The following SAP130 variants were observed in gnomAD, a reference collection of about 807,000 sequenced individuals.
SAP130 encodes Sin3A associated protein 130.
In SAP130, 16 loss-of-function variants were observed where a neutral mutation model predicts 103.2. That is an observed-to-expected ratio of 0.16 (90% confidence interval 0.10 to 0.24). SAP130 has a LOEUF of 0.24. SAP130 is among the 10% of genes least tolerant of loss of function. The pLI, the probability that SAP130 is intolerant of heterozygous loss-of-function variation, is 1.00. For synonymous variants in SAP130, 477 were observed against 497.0 expected, an observed-to-expected ratio of 0.96 and a Z score of 0.53; for missense variants, 990 against 1,359.7, an observed-to-expected ratio of 0.73 and a Z score of 4.28.
intron 7 of SAP130, among the ~76,000 whole-genome samples, chr2:128,001,211 A>G (rs532496661): frequency 2.9e-4 from 44 of 152,246 alleles, no homozygotes; most frequent in Non-Finnish European, 5.9e-4. Flanking sequence ...AACACTGGCA[A>G]GAAAATTTGA....
At chr2:127,973,950 G>A (rs1264598947) in intron 15 of SAP130, among the ~76,000 whole-genome samples, 3 of 152,058 alleles carry the variant, frequency 2.0e-5, no homozygotes, top group Non-Finnish European at 4.4e-5. Context: ...TGGCTCTTAA[G>A]TAGTCCTAAC....
At position 127,941,852 on chromosome 2, in the gene SAP130, G is replaced by A. The variant is rs1335923413; in HGVS notation, c.*154C>T. On this transcript the variant is annotated 3_prime_UTR_variant, in exon 21 of 21. Coordinates refer to ENST00000643581, the MANE Select transcript of SAP130 (RefSeq NM_001330301.2). Reference sequence around the variant, plus strand: ...GTCCAGTCAGCTCTGATCCTTTCACGCCCTTGGATGTCATGGGTTCCTCTG... The same window carrying A: ...GTCCAGTCAGCTCTGATCCTTTCACACCCTTGGATGTCATGGGTTCCTCTG... The A allele has an allele frequency of 4.3e-6, 3 of 696,414 alleles. No homozygotes were observed. The highest frequency in any genetic ancestry group is 3.7e-5 in the South Asian group (2 of 53,546). 43.1% of individuals were successfully genotyped at this position (696,414 alleles called of 1,614,324 possible). A position where few individuals can be genotyped will look rare whatever the true frequency, so the allele number is the denominator to read the frequency against.
At chr2:128,009,897 T>C (rs953051703) in intron 7 of SAP130, among the ~76,000 whole-genome samples, 7 of 152,202 alleles carry the variant, frequency 4.6e-5, no homozygotes, top group Non-Finnish European at 8.8e-5. Context: ...CTTCATTATA[T>C]CTTTTCATTT....
At chr2:127,992,312 A>T (rs1682866053) in intron 12 of SAP130, among the ~76,000 whole-genome samples, 1 of 132,466 alleles carries the variant, frequency 7.5e-6, no homozygotes, top group Non-Finnish European at 1.6e-5. Flanking sequence ...AGATAGTTTC[A>T]CTCTGTCACC....
intron 15 of SAP130, among the ~76,000 whole-genome samples, chr2:127,967,410 C>CT (rs1192354093): frequency 6.6e-6 from 1 of 152,204 alleles, no homozygotes; most frequent in South Asian, 2.1e-4. Context: ...GATTTCTTTT[C>CT]TTTTTTTGAG....
chr2:128,016,382 G>A lies in SAP130; in HGVS notation c.507+7C>T, dbSNP rs966808095. The A allele has an allele frequency of 1.1e-5, 17 of 1,605,176 alleles. No individual in the cohort carries two copies. The Admixed American group carries it at 2.1e-4, about 20-fold the overall frequency. On this transcript the variant is annotated splice_region_variant and intron_variant, in intron 4 of 20. Transcript: ENST00000643581. The stretch of plus-strand genomic sequence containing the variant: ...TTGAAAATCAGCAAATTAAAAGGAA[G>A]AAAAACCTGTTGTCCACTGATTGTT...
rs575936824 is a variant in SAP130, at chr2:128,000,761, C to T, written c.870-307G>A. Reference sequence around the variant, plus strand: ...TAATAATTGCACTTCAGGTCAGGTGCGGTGGCTCACACCTGTAGACACAGT... The same window carrying T: ...TAATAATTGCACTTCAGGTCAGGTGTGGTGGCTCACACCTGTAGACACAGT... On this transcript the variant is annotated intron_variant, in intron 7 of 20. Transcript: ENST00000643581. Among the ~76,000 whole-genome samples the T allele has an allele frequency of 3.9e-5, 6 of 152,170 alleles. No homozygotes were observed. In the South Asian group the frequency reaches 8.3e-4, roughly 21 times the overall value.
chr2:127,995,830 T>C (rs979352126), intron 11 of SAP130, among the ~76,000 whole-genome samples: 5 of 152,184 alleles, frequency 3.3e-5, no homozygotes, highest in African/African-American at 1.2e-4. Flanking sequence ...ACAGACAGCA[T>C]GAGCTCTCTG....
intron 7 of SAP130, 96 bp downstream of exon 7, chr2:128,010,173 A>G (rs1684283634): frequency 7.5e-7 from 1 of 1,336,548 alleles, no homozygotes; most frequent in East Asian, 2.3e-5. Context: ...AAAAAAAGCC[A>G]CTCAATAAAT....
chr2:128,014,758 T>C (rs1190568142), intron 5 of SAP130, 45 bp downstream of exon 5: 2 of 1,317,532 alleles, frequency 1.5e-6, no homozygotes, highest in Non-Finnish European at 2.2e-6. Flanking sequence ...AATGTATATC[T>C]ACTACTACAT....
chr2:127,958,094 G>A (rs1323568285), intron 15 of SAP130, among the ~76,000 whole-genome samples: 6 of 152,164 alleles, frequency 3.9e-5, no homozygotes, highest in African/African-American at 9.7e-5. Flanking sequence ...AAACCTGCAT[G>A]TTCTGCACAT....
At chr2:127,977,862 C>A in intron 15 of SAP130, 123 bp downstream of exon 15, 1 of 723,900 alleles carries the variant, frequency 1.4e-6, no homozygotes. Flanking sequence ...TGAGAATAGC[C>A]ACTGCACTCC....
chr2:127,957,945 T>A (rs888092873), intron 15 of SAP130, among the ~76,000 whole-genome samples: 1 of 152,058 alleles, frequency 6.6e-6, no homozygotes, highest in South Asian at 2.1e-4. Context: ...AAACAAATCA[T>A]GAAAGAAATA....
chr2:127,950,458 G>C (rs1234282858), intron 16 of SAP130, 50 bp from the exon 17 acceptor site: 2 of 1,602,442 alleles, frequency 1.2e-6, no homozygotes, highest in East Asian at 2.2e-5. Flanking sequence ...AAAGATAACA[G>C]AAAGTTTCAC....
intron 14 of SAP130, among the ~76,000 whole-genome samples, chr2:127,983,452 T>C (rs1047709475): frequency 6.6e-6 from 1 of 152,140 alleles, no homozygotes; most frequent in Non-Finnish European, 1.5e-5. Flanking sequence ...CAGTGAGGCA[T>C]GACAAGGACA....
At position 127,978,726 on chromosome 2, in the gene SAP130, G is replaced by A. The variant is rs569258137; in HGVS notation, c.1959-637C>T. On this transcript the variant is annotated intron_variant, in intron 14 of 20. Coordinates refer to ENST00000643581, the MANE Select transcript of SAP130 (RefSeq NM_001330301.2). ...AACACATAATCACTAATGGATCCAG[G>A]TACTGATCTTCAGAGCCACTAACAT... Among the ~76,000 whole-genome samples the A allele has an allele frequency of 8.5e-5, 13 of 152,216 alleles. No individual in the cohort carries two copies. The South Asian group carries it at 1.0e-3, about 12-fold the overall frequency.
chr2:128,016,649 G>A, intron 3 of SAP130, 102 bp from the exon 4 acceptor site: 1 of 1,260,860 alleles, frequency 7.9e-7, no homozygotes, highest in Non-Finnish European at 1.1e-6. Flanking sequence ...AAAGTGCCAG[G>A]AAAGATGCCG....
Position 127,999,512 on chromosome 2 carries a change from G to A in SAP130, c.1213+229C>T, listed in dbSNP as rs550952206. ...TCAGCTACTTGGGAGGCTGAGGCAG[G>A]AGAACTGCTTGAACCCAGGAGGTGG... is the stretch of plus-strand genomic sequence containing the variant. On this transcript the variant is annotated intron_variant, in intron 10 of 20. Coordinates refer to ENST00000643581, the MANE Select transcript of SAP130 (RefSeq NM_001330301.2). Among the ~76,000 whole-genome samples the A allele has an allele frequency of 5.3e-5, 8 of 152,048 alleles. No homozygotes were observed. The East Asian group carries it at 1.4e-3, about 26-fold the overall frequency.
chr2:127,980,163 C>T (rs1297512907), intron 14 of SAP130, among the ~76,000 whole-genome samples: 1 of 151,944 alleles, frequency 6.6e-6, no homozygotes, highest in Non-Finnish European at 1.5e-5. Flanking sequence ...ACAGGCTTGA[C>T]CCACCGTGCC....
Sources: gnomAD v4.1 joint callset for allele counts (sites outside exome capture counted in the v4.1 genomes callset) on GRCh38, gnomAD v4.1.1 for gene constraint, MANE v1.5 for transcripts, NCBI Gene and HGNC (gene_info 2026-07-23, HGNC 2026-07-21) for gene names.